The following SESN3 variants were observed in gnomAD, a reference collection of about 807,000 sequenced individuals.
SESN3 encodes sestrin-3.
Under a neutral mutation model 55.3 loss-of-function variants are expected in SESN3, and 21 were observed. The observed-to-expected ratio is 0.38, with a 90% CI of 0.27 to 0.55. SESN3 has a LOEUF of 0.55. SESN3 is among the 20% of genes least tolerant of loss of function. The pLI is 0.76. For synonymous variants in SESN3, 181 were observed against 203.1 expected (o/e 0.89, Z 0.93); for missense variants, 408 against 604.3 (o/e 0.68, Z 3.41).
At chr11:95,200,123 T>C (rs959667709) in intron 1 of SESN3, among the ~76,000 whole-genome samples, 1 of 152,118 alleles carries the variant, frequency 6.6e-6, no homozygotes, top group Non-Finnish European at 1.5e-5. Context: ...TTTATTGTTA[T>C]AGATGTTCCA....
At chr11:95,205,983 T>C (rs1219988200) in intron 1 of SESN3, among the ~76,000 whole-genome samples, 1 of 152,132 alleles carries the variant, frequency 6.6e-6, no homozygotes, top group African/African-American at 2.4e-5. Context: ...TTTCAACTTT[T>C]GTTTTCCAAG....
In SESN3 at chr11:95,230,904, C is replaced by A; in HGVS notation, c.-44G>T. 7.1e-7 allele frequency: 1 copy of A among 1,414,150 alleles called. No individual in the cohort carries two copies. 87.6% of individuals were successfully genotyped at this position (1,414,150 alleles called of 1,614,324 possible). A position where few individuals can be genotyped will look rare whatever the true frequency, so the allele number is the denominator to read the frequency against. The stretch of plus-strand genomic sequence containing the variant: ...GGCGAGAGCGGGCGGAGGGCCGGGT[C>A]CGGGCTGTCACTGCGGCCACTGCAG... On this transcript the variant is annotated 5_prime_UTR_variant, in exon 1 of 10. Coordinates refer to ENST00000536441, the MANE Select transcript of SESN3 (RefSeq NM_144665.4). The surrounding 1 kb of genome is among the most constrained non-coding windows in gnomAD (Gnocchi z 4.6).
rs528322178 is a variant in SESN3, at chr11:95,184,863, A to C, written c.763-269T>G. On this transcript the variant is annotated intron_variant, in intron 5 of 9. Coordinates refer to ENST00000536441, the MANE Select transcript of SESN3 (RefSeq NM_144665.4). ...AATTCTAGCATTTGGTATATATTAA[A>C]TATTATAGTTTAGTTTAAAAAAATG... is the stretch of plus-strand genomic sequence containing the variant. Among the ~76,000 whole-genome samples the C allele has an allele frequency of 3.0e-3, 457 of 152,072 alleles. 3 individuals are homozygous for C. The highest frequency in any genetic ancestry group is 4.6e-3 in the Non-Finnish European group (311 of 67,980).
rs142192882 is a variant in SESN3, at chr11:95,174,283, C to A, written c.1393-942G>T. Among the ~76,000 whole-genome samples the A allele has an allele frequency of 3.7e-3, 558 of 152,312 alleles. 4 individuals are homozygous for A. The highest frequency in any genetic ancestry group is 5.6e-3 in the Non-Finnish European group (382 of 68,028). On this transcript the variant is annotated intron_variant, in intron 9 of 9. Transcript: ENST00000536441. Reference sequence around the variant, plus strand: ...CTGTTGTATAAAGGAGATTCTTGAACTTAAAGGTTAAAAGTCCTAGGACTT... The same window carrying A: ...CTGTTGTATAAAGGAGATTCTTGAAATTAAAGGTTAAAAGTCCTAGGACTT...
rs1440604009 is a variant in SESN3, at chr11:95,168,553, G to A, written c.*4702C>T. 2.6e-5 allele frequency: 4 copies of A among 152,176 alleles called. No homozygotes were observed. The highest frequency in any genetic ancestry group is 5.9e-5 in the Non-Finnish European group (4 of 68,030). 9.4% of individuals were successfully genotyped at this position (152,176 alleles called of 1,614,324 possible). A position where few individuals can be genotyped will look rare whatever the true frequency, so the allele number is the denominator to read the frequency against. ...ACTCTGAATTTATAGGCTCTTTGGG[G>A]ATGAGGTAGAGGAGAGCAAGATATT... On this transcript the variant is annotated 3_prime_UTR_variant, in exon 10 of 10. Coordinates refer to ENST00000536441, the MANE Select transcript of SESN3 (RefSeq NM_144665.4).
At chr11:95,176,225 A>T (rs1193546587) in intron 8 of SESN3, among the ~76,000 whole-genome samples, 1 of 152,206 alleles carries the variant, frequency 6.6e-6, no homozygotes, top group Admixed American at 6.5e-5. Context: ...GTTGATAGGG[A>T]CAAAAGCCTG....
chr11:95,183,605 C>G (rs1860095534), intron 6 of SESN3, among the ~76,000 whole-genome samples: 1 of 150,706 alleles, frequency 6.6e-6, no homozygotes, highest in Admixed American at 6.6e-5. Flanking sequence ...CCGCTTGAAC[C>G]TAGGAGACGG....
intron 1 of SESN3, among the ~76,000 whole-genome samples, chr11:95,196,902 G>A (rs2134240442): frequency 6.6e-6 from 1 of 152,170 alleles, no homozygotes; most frequent in South Asian, 2.1e-4. Context: ...TTCATTTGAT[G>A]GTCACACCTA....
chr11:95,223,913 A>G (rs939777019), intron 1 of SESN3, among the ~76,000 whole-genome samples: 3 of 152,212 alleles, frequency 2.0e-5, no homozygotes, highest in African/African-American at 7.2e-5. Context: ...TAGAAATTAA[A>G]CCCGAGAAAA....
At position 95,185,487 on chromosome 11, in the gene SESN3, A is replaced by C; in HGVS notation, c.531T>G (p.Leu177=). 2 of 1,599,790 alleles carry C rather than the reference A, an allele frequency of 1.3e-6. No individual in the cohort carries two copies. The highest frequency in any genetic ancestry group is 8.6e-7 in the Non-Finnish European group (1 of 1,167,946). The change falls in exon 5 of 10, where the codon CTT becomes CTG. Residue 177 remains leucine, a synonymous_variant. Coordinates refer to ENST00000536441, the MANE Select transcript of SESN3 (RefSeq NM_144665.4). ...ACCAATTATTTTCTCCAGTTTTGAC[A>C]AGTTTCTGAAATAAGAAAGCAAATC... ...WLITKEHIQK[L]VKTGENNWSL...
chr11:95,184,776 AT>A (rs944053035), intron 5 of SESN3, among the ~76,000 whole-genome samples, 182 bp from the exon 6 acceptor site: 50 of 150,242 alleles, frequency 3.3e-4, no homozygotes, highest in Admixed American at 7.3e-4. Flanking sequence ...CAGAAGTATG[AT>A]TTTTTTTTTA....
chr11:95,184,278 C>T (rs1860119829), intron 6 of SESN3, 142 bp downstream of exon 6: 3 of 680,224 alleles, frequency 4.4e-6, no homozygotes, highest in Non-Finnish European at 5.0e-6. Context: ...AAAGCAATAG[C>T]ATGAGGGTAA....
At chr11:95,222,456 A>T (rs1860874932) in intron 1 of SESN3, among the ~76,000 whole-genome samples, 1 of 152,238 alleles carries the variant, frequency 6.6e-6, no homozygotes, top group Non-Finnish European at 1.5e-5. Context: ...AAGCCATAGA[A>T]GAACAGACAT....
rs1314530278 is a variant in SESN3 at position 95,167,116 on chromosome 11, AT to A, written c.*6138del. ...GTAAAGATATTAATTTAAGAAAGAGATGTATAATAAGTTTTATTCTGTAAGT... is the reference window on the plus strand; with the variant it reads ...GTAAAGATATTAATTTAAGAAAGAGAGTATAATAAGTTTTATTCTGTAAGT... On this transcript the variant is annotated 3_prime_UTR_variant, in exon 10 of 10. Coordinates refer to ENST00000536441, the MANE Select transcript of SESN3 (RefSeq NM_144665.4). 6.6e-6 allele frequency: 1 copy of A among 152,114 alleles called. No individual in the cohort carries two copies. The highest frequency in any genetic ancestry group is 1.5e-5 in the Non-Finnish European group (1 of 68,022). 9.4% of individuals were successfully genotyped at this position (152,114 alleles called of 1,614,324 possible). A position where few individuals can be genotyped will look rare whatever the true frequency, so the allele number is the denominator to read the frequency against.
chr11:95,222,849 A>T (rs1860882304), intron 1 of SESN3, among the ~76,000 whole-genome samples: 1 of 152,234 alleles, frequency 6.6e-6, no homozygotes, highest in Admixed American at 6.5e-5. Context: ...TTTAGGTTAT[A>T]TAGGATATAT....
At chr11:95,175,748 G>A (rs753226129) in intron 8 of SESN3, 106 bp from the exon 9 acceptor site, 10 of 904,086 alleles carry the variant, frequency 1.1e-5, no homozygotes, top group Non-Finnish European at 1.2e-5. Flanking sequence ...CTAAAAGCTC[G>A]TTAATTAATT....
chr11:95,189,199 G>A (rs531915106), intron 4 of SESN3, among the ~76,000 whole-genome samples: 6 of 151,944 alleles, frequency 3.9e-5, no homozygotes, highest in African/African-American at 1.4e-4. Flanking sequence ...ACCTCACCCT[G>A]TAGGCCTTTG....
intron 1 of SESN3, among the ~76,000 whole-genome samples, chr11:95,203,334 G>A (rs1488439081): frequency 6.6e-6 from 1 of 152,088 alleles, no homozygotes; most frequent in Non-Finnish European, 1.5e-5. Context: ...TTAGCCATAT[G>A]GAAACCAGTA....
intron 5 of SESN3, among the ~76,000 whole-genome samples, 174 bp from the exon 6 acceptor site, chr11:95,184,768 G>C (rs1860131787): frequency 6.6e-6 from 1 of 151,968 alleles, no homozygotes; most frequent in Non-Finnish European, 1.5e-5. Flanking sequence ...AACATTTTCA[G>C]AAGTATGATT....
Sources: gnomAD v4.1 joint callset for allele counts (sites outside exome capture counted in the v4.1 genomes callset) on GRCh38, gnomAD v4.1.1 for gene constraint, Gnocchi (gnomAD v3.1) non-coding constraint, MANE v1.5 for transcripts, NCBI Gene and HGNC (gene_info 2026-07-23, HGNC 2026-07-21) for gene names.